CNGB3: variants seen among roughly 807,000 people sequenced by gnomAD.
CNGB3 encodes cyclic nucleotide gated channel subunit beta 3, also known as cyclic nucleotide-gated channel beta-3.
In CNGB3, 86 loss-of-function variants were observed where a neutral mutation model predicts 92.8. That is an observed-to-expected ratio of 0.93 (90% CI 0.78 to 1.11). The LOEUF is 1.11. Among genes scored for constraint, CNGB3 ranks in the 50% least tolerant of loss-of-function variants. The pLI is 0.00. For synonymous variants in CNGB3, 333 were observed against 332.7 expected (o/e 1.00, Z -0.01); for missense variants, 1,026 against 956.8 (o/e 1.07, Z -0.95).
At chr8:86,583,920 T>C (rs1448502309) in intron 15 of CNGB3, among the ~76,000 whole-genome samples, 3 of 12,106 alleles carry the variant, frequency 2.5e-4, no homozygotes, top group Admixed American at 2.3e-3. Context: ...AGACCTTGTC[T>C]CAAAAAAAAA....
intron 14 of CNGB3, among the ~76,000 whole-genome samples, chr8:86,608,302 G>A (rs1230491873): frequency 6.6e-6 from 1 of 152,212 alleles, no homozygotes; most frequent in African/African-American, 2.4e-5. Context: ...ACAAGAGTGC[G>A]AGCCTTCTGT....
At chr8:86,655,303 C>G (rs1403403987) in intron 6 of CNGB3, among the ~76,000 whole-genome samples, 1 of 152,122 alleles carries the variant, frequency 6.6e-6, no homozygotes, top group Non-Finnish European at 1.5e-5. Context: ...TCATTTATGT[C>G]AAATCCTGCA....
At chr8:86,740,169 C>A (rs113957302) in intron 1 of CNGB3, among the ~76,000 whole-genome samples, 1 of 152,134 alleles carries the variant, frequency 6.6e-6, no homozygotes, top group Admixed American at 6.5e-5. Flanking sequence ...TTTGAAATGC[C>A]GTTATGTCCC....
rs1554619292 is a variant in CNGB3 at position 86,739,675 on chromosome 8, TC to T, written c.190del (p.Glu64SerfsTer19). ...CTGACCTTGTATGTTGGTGTGTGGC[TC>T]TTCAGACGTGACTGGAGTTGACTTG... ...KTKSTPVTSEEPHTNIQDKLS... is the reference protein window; with the variant it reads ...KTKSTPVTSEXPHTNIQDKLS... On this transcript the variant is annotated frameshift_variant, in exon 2 of 18. Transcript: ENST00000320005. LOFTEE classifies it high-confidence loss of function. 5.0e-6 allele frequency: 8 copies of T among 1,611,938 alleles called. No homozygotes were observed. Among genetic ancestry groups the T allele is most frequent in the Non-Finnish European group, 6.8e-6 (8 of 1,179,416 alleles).
chr8:86,633,956 C>G (rs368830371), intron 10 of CNGB3, among the ~76,000 whole-genome samples: 3 of 152,198 alleles, frequency 2.0e-5, no homozygotes, highest in East Asian at 3.9e-4. Flanking sequence ...GGCAACTGAT[C>G]TAGAAATTTG....
At chr8:86,693,864 A>C (rs1824370775) in intron 3 of CNGB3, among the ~76,000 whole-genome samples, 1 of 152,154 alleles carries the variant, frequency 6.6e-6, no homozygotes, top group Non-Finnish European at 1.5e-5. Flanking sequence ...CAGACACGGC[A>C]ACCATCCGAC....
At chr8:86,618,375 A>G (rs925444097) in intron 13 of CNGB3, among the ~76,000 whole-genome samples, 2 of 151,888 alleles carry the variant, frequency 1.3e-5, no homozygotes, top group Admixed American at 1.3e-4. Flanking sequence ...CTGTGTAGAA[A>G]CTCCCACATG....
chr8:86,656,310 T>G (rs1399908542), intron 6 of CNGB3, among the ~76,000 whole-genome samples: 1 of 152,180 alleles, frequency 6.6e-6, no homozygotes, highest in East Asian at 1.9e-4. Context: ...CACCCTGCAC[T>G]CAGGAAGAAT....
Position 86,629,040 on chromosome 8 carries a change from G to A in CNGB3, c.1359C>T (p.Asn453=), listed in dbSNP as rs1256620232. 6.8e-6 allele frequency: 11 copies of A among 1,613,928 alleles called. No homozygotes were observed. Among genetic ancestry groups the A allele is most frequent in the Non-Finnish European group, 9.3e-6 (11 of 1,179,966 alleles). The part of the protein sequence containing the change: ...DVIGAATANQ[N]YFRACMDDTI... ...TGTCATCCATGCAGGCGCGGAAGTA[G>A]TTCTGATTGGCTGTAGCTGCTCCAA... The change falls in exon 12 of 18, where the codon AAC becomes AAT. Residue 453 remains asparagine, a synonymous_variant. Coordinates refer to ENST00000320005, the MANE Select transcript of CNGB3 (RefSeq NM_019098.5).
chr8:86,653,240 CTT>C (rs1823439987), intron 7 of CNGB3, among the ~76,000 whole-genome samples: 1 of 151,886 alleles, frequency 6.6e-6, no homozygotes, highest in African/African-American at 2.4e-5. Flanking sequence ...TATTTATCCT[CTT>C]TGTAGAATTC....
chr8:86,729,785 A>T (rs555057066), intron 2 of CNGB3, among the ~76,000 whole-genome samples: 1 of 152,244 alleles, frequency 6.6e-6, no homozygotes, highest in South Asian at 2.1e-4. Flanking sequence ...AATCTAAAAT[A>T]CAAGGCAAAT....
chr8:86,714,681 G>C (rs1295378669), intron 3 of CNGB3, among the ~76,000 whole-genome samples: 3 of 149,666 alleles, frequency 2.0e-5, no homozygotes, highest in Non-Finnish European at 4.5e-5. Context: ...ACTGCTGCAG[G>C]CTCCCTGAGA....
At chr8:86,641,594 CT>C (rs371218001) in intron 10 of CNGB3, among the ~76,000 whole-genome samples, 37 of 151,694 alleles carry the variant, frequency 2.4e-4, no homozygotes, top group Admixed American at 6.6e-4. Flanking sequence ...ATCTTTGTGT[CT>C]TTTTTTGGAC....
chr8:86,663,589 G>A (rs753202533), intron 6 of CNGB3, among the ~76,000 whole-genome samples: 5 of 152,164 alleles, frequency 3.3e-5, no homozygotes, highest in Non-Finnish European at 7.3e-5. Context: ...TTAAGTAGAT[G>A]TATCTACCTA....
intron 11 of CNGB3, among the ~76,000 whole-genome samples, chr8:86,630,502 A>G (rs1052112121): frequency 6.6e-6 from 1 of 152,178 alleles, no homozygotes; most frequent in African/African-American, 2.4e-5. Flanking sequence ...AGGGAAGTAC[A>G]TGAGAGTATG....
At chr8:86,621,777 G>T (rs796500100) in intron 13 of CNGB3, among the ~76,000 whole-genome samples, 1 of 152,046 alleles carries the variant, frequency 6.6e-6, no homozygotes, top group South Asian at 2.1e-4. Context: ...TAGAATAATT[G>T]TCTCCAGCCA....
intron 12 of CNGB3, 81 bp from the exon 13 acceptor site, chr8:86,626,161 T>A (rs2131580544): frequency 9.4e-7 from 1 of 1,066,534 alleles, no homozygotes; most frequent in Non-Finnish European, 1.4e-6. Flanking sequence ...GAAAAATTTT[T>A]AAAATAAAGG....
chr8:86,738,937 A>G (rs1586045595), intron 2 of CNGB3, among the ~76,000 whole-genome samples: 1 of 152,290 alleles, frequency 6.6e-6, no homozygotes, highest in African/African-American at 2.4e-5. Flanking sequence ...AAAGGAATAA[A>G]ACCTGAGTAA....
intron 6 of CNGB3, among the ~76,000 whole-genome samples, chr8:86,665,026 A>G (rs1381439006): frequency 1.3e-5 from 2 of 152,224 alleles, no homozygotes; most frequent in Non-Finnish European, 2.9e-5. Context: ...TGAATGTTTA[A>G]TGGTATTTAA....
Sources: allele counts gnomAD v4.1 joint callset (sites outside exome capture counted in the v4.1 genomes callset), GRCh38; gene constraint gnomAD v4.1.1; transcripts MANE v1.5; gene names NCBI Gene and HGNC (gene_info 2026-07-23, HGNC 2026-07-21).